Variants in PRDM1 observed in about 807,000 individuals in gnomAD.
The protein encoded by PRDM1 is PR domain zinc finger protein 1.
Under a neutral mutation model 62.8 loss-of-function variants are expected in PRDM1, and 13 were observed. The ratio of observed to expected loss-of-function variants is 0.21; its 90% confidence interval spans 0.13 to 0.33. The LOEUF (loss-of-function observed/expected upper bound fraction) is 0.33, where lower values mean the gene tolerates loss of function less well. Among genes scored for constraint, PRDM1 ranks in the 10% least tolerant of loss-of-function variants. The probability of loss-of-function intolerance (pLI) is 1.00; values close to 1 mark genes in which losing one functional copy is unlikely to be tolerated. For synonymous variants in PRDM1, 396 were observed against 417.6 expected (o/e 0.95, Z 0.63); for missense variants, 895 against 1,058.8 (o/e 0.85, Z 2.15).
intron 1 of PRDM1, among the ~76,000 whole-genome samples, chr6:106,049,268 A>G (rs549623435): frequency 6.6e-6 from 1 of 152,338 alleles, no homozygotes; most frequent in Admixed American, 6.5e-5. Context: ...TACCTCTCCT[A>G]TTTCTATAAT....
In PRDM1 at chr6:106,107,389, C is replaced by T. The variant is rs762347557; in HGVS notation, c.2381C>T (p.Ser794Leu). The T allele has an allele frequency of 4.3e-6, 7 of 1,613,864 alleles. No homozygotes were observed. In the South Asian group the frequency reaches 7.7e-5, roughly 18 times the overall value. Reference protein sequence around the residue: ...LLSSGCSLYESSDLPLMKLPP... With the variant: ...LLSSGCSLYELSDLPLMKLPP... ...TCCTCAGGGTGCAGCCTTTATGAGTCATCAGATCTACCCCTCATGAAGTTG... is the reference window on the plus strand; with the variant it reads ...TCCTCAGGGTGCAGCCTTTATGAGTTATCAGATCTACCCCTCATGAAGTTG... The change falls in exon 7 of 7, where the codon TCA (serine) becomes TTA (leucine). Residue 794 changes from serine (S) to leucine (L), a missense_variant. By Grantham distance (145) the Ser-to-Leu change is moderately radical (BLOSUM62 -2). This residue lies in a region of PRDM1 where 164 missense variants were observed against 179.9 expected (regional missense o/e 0.91). Coordinates refer to ENST00000369096, the MANE Select transcript of PRDM1 (RefSeq NM_001198.4).
rs1772989366 is a variant in PRDM1, at chr6:106,041,197, G to A, written c.-66-47004G>A. 3.5e-5 allele frequency among the ~76,000 whole-genome samples: 5 copies of A among 142,510 alleles called. 1 individual carries two copies. Among genetic ancestry groups the A allele is most frequent in the Admixed American group, 2.2e-4 (3 of 13,756 alleles). 93.5% of individuals were successfully genotyped at this position (142,510 alleles called of 152,430 possible). ...GGCATTACTATTAATATTACTGTAT[G>A]TCTCTCTGTTACTTTTCATTGTCAT... On this transcript the variant is annotated intron_variant, in intron 1 of 6. Transcript: ENST00000652320.
rs1349720295 is a variant in PRDM1, at chr6:106,107,168, G to A, written c.2160G>A (p.Leu720=). The A allele has an allele frequency of 4.3e-6, 7 of 1,614,190 alleles. No individual in the cohort carries two copies. Among genetic ancestry groups the A allele is most frequent in the Non-Finnish European group, 5.9e-6 (7 of 1,180,042 alleles). Residue 720 remains leucine, a synonymous_variant, in exon 7 of 7, where the codon TTG becomes TTA. Coordinates refer to ENST00000369096, the MANE Select transcript of PRDM1 (RefSeq NM_001198.4). ...CAAAPAPGLP[L]EDLTRINEEI... is the part of the protein sequence containing the mutation. ...CGGCCCCGGCGCCTGGGCTGCCCTT[G>A]GAAGATCTGACCCGAATCAATGAAG...
intron 1 of PRDM1, among the ~76,000 whole-genome samples, chr6:106,028,943 A>G (rs1427688414): frequency 1.7e-5 from 2 of 115,742 alleles, no homozygotes; most frequent in East Asian, 4.7e-4. Context: ...TTTTTTTGAG[A>G]CCGAGTCTTG....
intron 2 of PRDM1, among the ~76,000 whole-genome samples, 198 bp from the exon 3 acceptor site, chr6:106,095,417 T>C (rs1774086533): frequency 6.6e-6 from 1 of 152,364 alleles, no homozygotes; most frequent in South Asian, 2.1e-4. Context: ...TATTTGCTTA[T>C]GATCTCAGAC....
chr6:106,095,110 T>A (rs1011504113), intron 2 of PRDM1, among the ~76,000 whole-genome samples: 21 of 151,924 alleles, frequency 1.4e-4, no homozygotes, highest in Non-Finnish European at 2.6e-4. Context: ...TGCATTTGGT[T>A]TCTGGTTCCT....
intron 1 of PRDM1, among the ~76,000 whole-genome samples, chr6:106,033,319 T>TTA (rs1252699649): frequency 6.8e-6 from 1 of 146,576 alleles, no homozygotes; most frequent in African/African-American, 2.5e-5. Flanking sequence ...TAATATTAGT[T>TTA]TTTTTTTTTT....
At chr6:106,102,126 G>C (rs1163210047) in intron 4 of PRDM1, among the ~76,000 whole-genome samples, 3 of 152,084 alleles carry the variant, frequency 2.0e-5, no homozygotes, top group African/African-American at 7.2e-5. Context: ...ATAGTCTTGG[G>C]GTTCTTATTA....
At chr6:106,097,357 T>C (rs1290002954) in intron 3 of PRDM1, among the ~76,000 whole-genome samples, 1 of 152,252 alleles carries the variant, frequency 6.6e-6, no homozygotes, top group African/African-American at 2.4e-5. Flanking sequence ...CAGTTCCCTG[T>C]TTCATTTAAA....
chr6:106,082,681 G>A (rs906612727), upstream of PRDM1, among the ~76,000 whole-genome samples: 1 of 152,080 alleles, frequency 6.6e-6, no homozygotes, highest in Non-Finnish European at 1.5e-5. Context: ...TTGTGTTCTT[G>A]AATTTACTTA....
chr6:106,007,478 A>G (rs1485385473), intron 1 of PRDM1, among the ~76,000 whole-genome samples: 1 of 152,214 alleles, frequency 6.6e-6, no homozygotes, highest in Non-Finnish European at 1.5e-5. Context: ...CATTTTTGTT[A>G]CAATACTATT....
At chr6:106,078,817 G>A (rs140427310) in intron 1 of PRDM1, among the ~76,000 whole-genome samples, 2,357 of 152,210 alleles carry the variant, frequency 0.015, 23 homozygotes, top group Admixed American at 0.023. Context: ...TTGTGCCACT[G>A]CACTCCAGCT....
At chr6:106,050,595 C>A (rs115653921) in intron 1 of PRDM1, among the ~76,000 whole-genome samples, 1 of 152,108 alleles carries the variant, frequency 6.6e-6, no homozygotes. Flanking sequence ...CAGCTTTCTG[C>A]GCGTGCTAGG....
intron 1 of PRDM1, among the ~76,000 whole-genome samples, chr6:106,050,866 A>G (rs1424719943): frequency 6.6e-6 from 1 of 152,248 alleles, no homozygotes; most frequent in African/African-American, 2.4e-5. Context: ...AAGTAAAGCA[A>G]AACTTCTTAA....
chr6:106,090,393 T>G (rs1773932044), intron 2 of PRDM1, among the ~76,000 whole-genome samples: 1 of 152,232 alleles, frequency 6.6e-6, no homozygotes, highest in Admixed American at 6.5e-5. Flanking sequence ...CTATCTTGCA[T>G]TTAACTGAAG....
intron 1 of PRDM1, among the ~76,000 whole-genome samples, chr6:106,008,904 T>G (rs1772511561): frequency 6.6e-6 from 1 of 152,180 alleles, no homozygotes; most frequent in Non-Finnish European, 1.5e-5. Context: ...CGACTCTACC[T>G]CTAGGAATAC....
chr6:106,000,508 C>G (rs969426531), intron 1 of PRDM1, among the ~76,000 whole-genome samples: 1 of 151,906 alleles, frequency 6.6e-6, no homozygotes, highest in African/African-American at 2.4e-5. Flanking sequence ...AATGTTAAAG[C>G]CTCCTATATA....
At chr6:106,004,875 T>C (rs1374485729) in intron 1 of PRDM1, among the ~76,000 whole-genome samples, 2 of 152,134 alleles carry the variant, frequency 1.3e-5, no homozygotes, top group African/African-American at 4.8e-5. Flanking sequence ...TATCAGTTTA[T>C]CAAAAACAAT....
Position 106,086,490 on chromosome 6 carries a change from C to A in PRDM1, c.-64C>A. On this transcript the variant is annotated 5_prime_UTR_variant, in exon 1 of 7. Coordinates refer to ENST00000369096, the MANE Select transcript of PRDM1 (RefSeq NM_001198.4). ...ACCGCCGAGGTGCGCGTCTGTGCGG[C>A]TCAGCCTGGCGGGGGACGCGGGGAG... 1 of 1,496,622 alleles carries A rather than the reference C, an allele frequency of 6.7e-7. No individual in the cohort carries two copies. The highest frequency in any genetic ancestry group is 9.1e-7 in the Non-Finnish European group (1 of 1,100,558). The allele number at this position is 1,496,622 out of a possible 1,614,324, so 92.7% of individuals were successfully genotyped here.
Sources: allele counts gnomAD v4.1 joint callset (sites outside exome capture counted in the v4.1 genomes callset), GRCh38; gene constraint gnomAD v4.1.1; regional missense constraint gnomAD v4.1.1; transcripts MANE v1.5; gene names NCBI Gene and HGNC (gene_info 2026-07-23, HGNC 2026-07-21).